Variants in RPS6KC1 observed in about 807,000 individuals in gnomAD.
RPS6KC1 encodes the protein ribosomal protein S6 kinase C1, also known as inactive ribosomal protein S6 kinase delta-1.
A neutral mutation model predicts 103.8 loss-of-function variants in RPS6KC1; 54 were observed. That is an observed-to-expected ratio of 0.52 (90% CI 0.42 to 0.65). The LOEUF (loss-of-function observed/expected upper bound fraction) is 0.65. RPS6KC1 is among the 30% of genes least tolerant of loss of function. The pLI, the probability that RPS6KC1 is intolerant of heterozygous loss-of-function variation, is 0.00. For missense variants in RPS6KC1, 1,151 were observed against 1,253.8 expected (o/e 0.92, Z 1.24); for synonymous variants, 439 against 438.7 (o/e 1.00, Z -0.01).
chr1:213,729,421 A>T, the RPS6KC1 span, among the ~76,000 whole-genome samples: 1 of 152,148 alleles, frequency 6.6e-6, no homozygotes, highest in Non-Finnish European at 1.5e-5. Flanking sequence ...GTAACAAGGG[A>T]TCAAGAACTG....
the RPS6KC1 span, among the ~76,000 whole-genome samples, chr1:213,717,294 T>C: frequency 6.6e-6 from 1 of 152,160 alleles, no homozygotes; most frequent in South Asian, 2.1e-4. Flanking sequence ...GGAGAGAACA[T>C]GATTATCATT....
chr1:213,559,562 G>A, the RPS6KC1 span, among the ~76,000 whole-genome samples: 1 of 152,140 alleles, frequency 6.6e-6, no homozygotes, highest in Non-Finnish European at 1.5e-5. Flanking sequence ...AATGATACAT[G>A]CCTCACCTGA....
chr1:213,228,835 A>G (rs2094020922), intron 8 of RPS6KC1, among the ~76,000 whole-genome samples: 1 of 152,206 alleles, frequency 6.6e-6, no homozygotes, highest in Non-Finnish European at 1.5e-5. Flanking sequence ...TGCTTAAAAC[A>G]TGGCAGATTA....
At chr1:213,359,888 A>G in the RPS6KC1 span, among the ~76,000 whole-genome samples, 2 of 152,222 alleles carry the variant, frequency 1.3e-5, no homozygotes, top group African/African-American at 4.8e-5. Context: ...ATTGGCCCCC[A>G]ATCTCTTGTG....
At chr1:213,353,994 C>G in the RPS6KC1 span, among the ~76,000 whole-genome samples, 1 of 152,280 alleles carries the variant, frequency 6.6e-6, no homozygotes, top group South Asian at 2.1e-4. Context: ...ACAGTCAGAA[C>G]CCTTCCTCCC....
intron 8 of RPS6KC1, among the ~76,000 whole-genome samples, chr1:213,210,856 C>T (rs975639535): frequency 1.3e-5 from 2 of 152,152 alleles, no homozygotes; most frequent in African/African-American, 2.4e-5. Flanking sequence ...ATGTATTGAT[C>T]GACTTAAGAA....
intron 8 of RPS6KC1, among the ~76,000 whole-genome samples, chr1:213,222,647 G>GTA (rs2093864583): frequency 6.6e-6 from 1 of 152,138 alleles, no homozygotes; most frequent in African/African-American, 2.4e-5. Flanking sequence ...AGCCCACCGA[G>GTA]TACTATTCCT....
the RPS6KC1 span, among the ~76,000 whole-genome samples, chr1:213,702,582 T>C: frequency 2.0e-5 from 3 of 152,056 alleles, no homozygotes; most frequent in Non-Finnish European, 4.4e-5. Flanking sequence ...TTGTTTTATA[T>C]ATCTAAGTGC....
At chr1:213,332,070 GA>G in the RPS6KC1 span, among the ~76,000 whole-genome samples, 4 of 151,366 alleles carry the variant, frequency 2.6e-5, no homozygotes, top group Non-Finnish European at 5.9e-5. Flanking sequence ...TCCTATATTG[GA>G]AAAAAATTTC....
At chr1:213,308,663 G>A in the RPS6KC1 span, among the ~76,000 whole-genome samples, 1 of 152,104 alleles carries the variant, frequency 6.6e-6, no homozygotes, top group African/African-American at 2.4e-5. Context: ...CATTATCCGA[G>A]TCCCCACTTG....
chr1:213,232,487 CT>C (rs1161177819), intron 10 of RPS6KC1, among the ~76,000 whole-genome samples: 3 of 152,298 alleles, frequency 2.0e-5, no homozygotes, highest in Non-Finnish European at 4.4e-5. Flanking sequence ...TCACTACTTA[CT>C]TTCTCATGGA....
chr1:213,297,531 C>T, the RPS6KC1 span, among the ~76,000 whole-genome samples: 4 of 152,104 alleles, frequency 2.6e-5, no homozygotes, highest in African/African-American at 9.7e-5. Context: ...TACTTGAGTC[C>T]ACATGATGGA....
Position 213,167,647 on chromosome 1 carries a change from A to G in RPS6KC1, c.836-211A>G, listed in dbSNP as rs146354984. Among the ~76,000 whole-genome samples the G allele has an allele frequency of 3.6e-3, 547 of 152,322 alleles. 4 individuals carry two copies. The highest frequency in any genetic ancestry group is 0.012 in the African/African-American group (489 of 41,560). ...TCAAATTATCAATACATATTTAAAT[A>G]GGAGAATGTTAGAATTTGGATAAAT... is the stretch of plus-strand genomic sequence containing the variant. On this transcript the variant is annotated intron_variant, in intron 6 of 14. Coordinates refer to ENST00000366960, the MANE Select transcript of RPS6KC1 (RefSeq NM_012424.6).
At chr1:213,789,062 C>T in the RPS6KC1 span, among the ~76,000 whole-genome samples, 2 of 152,068 alleles carry the variant, frequency 1.3e-5, no homozygotes, top group African/African-American at 2.4e-5. Flanking sequence ...TGGACCTTGC[C>T]CTAGACCCAG....
At chr1:213,161,078 G>C (rs184034760) in intron 6 of RPS6KC1, among the ~76,000 whole-genome samples, 1 of 152,238 alleles carries the variant, frequency 6.6e-6, no homozygotes, top group Admixed American at 6.5e-5. Context: ...TCTTCTACAT[G>C]TAATGTTCTA....
chr1:213,536,652 G>A, the RPS6KC1 span, among the ~76,000 whole-genome samples: 1 of 152,164 alleles, frequency 6.6e-6, no homozygotes, highest in Non-Finnish European at 1.5e-5. Context: ...CCTTGGGCCT[G>A]GATGGCAGAG....
chr1:213,753,195 G>A, the RPS6KC1 span, among the ~76,000 whole-genome samples: 1 of 152,310 alleles, frequency 6.6e-6, no homozygotes, highest in East Asian at 1.9e-4. Flanking sequence ...GTAAGAATCA[G>A]AATTCAGGGT....
rs79434409 is a variant in RPS6KC1 at position 213,211,747 on chromosome 1, T to G, written c.1045-18750T>G. Among the ~76,000 whole-genome samples the G allele has an allele frequency of 4.2e-3, 646 of 152,344 alleles. 2 individuals carry two copies. Among genetic ancestry groups the G allele is most frequent in the African/African-American group, 0.015 (610 of 41,576 alleles). On this transcript the variant is annotated intron_variant, in intron 8 of 14. Transcript: ENST00000366960. ...TATGTTCATTGACATTTGGCTCATA[T>G]GAATATGAGAGATTTTAAATTTGTG...
At chr1:213,337,498 C>G in the RPS6KC1 span, among the ~76,000 whole-genome samples, 5 of 152,182 alleles carry the variant, frequency 3.3e-5, no homozygotes, top group African/African-American at 1.2e-4. Context: ...GAACTCCACT[C>G]TGTTTGCTTC....
Sources: allele counts gnomAD v4.1 joint callset (sites outside exome capture counted in the v4.1 genomes callset), GRCh38; gene constraint gnomAD v4.1.1; transcripts MANE v1.5; gene names NCBI Gene and HGNC (gene_info 2026-07-23, HGNC 2026-07-21).